RAPGEF5: variants seen among roughly 807,000 people sequenced by gnomAD.
RAPGEF5 encodes the protein Rap guanine nucleotide exchange factor 5, also known as M-Ras-regulated GEF.
A neutral mutation model predicts 125.2 loss-of-function variants in RAPGEF5; 65 were observed. The ratio of observed to expected loss-of-function variants is 0.52; its 90% confidence interval spans 0.43 to 0.64. The LOEUF (loss-of-function observed/expected upper bound fraction) is 0.64. Ranked by LOEUF, RAPGEF5 falls within the 30% of genes least tolerant of loss-of-function variation. The pLI is 0.00. For missense variants in RAPGEF5, 958 were observed against 1,048.1 expected, an observed-to-expected ratio of 0.91 and a Z score of 1.19; for synonymous variants, 391 against 385.9, an observed-to-expected ratio of 1.01 and a Z score of -0.16.
At chr7:22,305,119 C>T (rs1393867820) in intron 5 of RAPGEF5, among the ~76,000 whole-genome samples, 2 of 152,216 alleles carry the variant, frequency 1.3e-5, no homozygotes, top group East Asian at 3.8e-4. Context: ...GATTCAAACA[C>T]TAAAACTCCA....
chr7:22,183,435 G>C (rs1485714895), intron 11 of RAPGEF5, among the ~76,000 whole-genome samples: 1 of 151,924 alleles, frequency 6.6e-6, no homozygotes, highest in East Asian at 1.9e-4. Flanking sequence ...AGTTGTTCTA[G>C]AAAATTAGAA....
At chr7:22,146,528 A>G (rs1008859078) in intron 19 of RAPGEF5, among the ~76,000 whole-genome samples, 1 of 152,252 alleles carries the variant, frequency 6.6e-6, no homozygotes, top group African/African-American at 2.4e-5. Context: ...ATACATAAAT[A>G]TGAATATGAT....
intron 7 of RAPGEF5, among the ~76,000 whole-genome samples, chr7:22,251,297 TACCCTCC>T (rs1786612919): frequency 6.6e-6 from 1 of 152,102 alleles, no homozygotes; most frequent in Non-Finnish European, 1.5e-5. Context: ...ACCACTCACG[TACCCTCC>T]AGTGCAAACC....
intron 6 of RAPGEF5, among the ~76,000 whole-genome samples, chr7:22,276,030 T>C (rs1782546765): frequency 6.6e-6 from 1 of 152,214 alleles, no homozygotes; most frequent in Admixed American, 6.5e-5. Context: ...CTCTGATTGG[T>C]AATTTCTCTG....
chr7:22,304,692 A>G (rs1166221897), intron 5 of RAPGEF5, among the ~76,000 whole-genome samples: 1 of 152,170 alleles, frequency 6.6e-6, no homozygotes, highest in Non-Finnish European at 1.5e-5. Flanking sequence ...CAGGACAGGA[A>G]AGGCTGAAAG....
chr7:22,267,032 GA>G lies in RAPGEF5; in HGVS notation c.748-21del, dbSNP rs200679902. The G allele has an allele frequency of 8.7e-3, 13,854 of 1,592,100 alleles. 92 individuals are homozygous for G. The highest frequency in any genetic ancestry group is 0.031 in the Middle Eastern group (184 of 6,004). On this transcript the variant is annotated intron_variant, in intron 6 of 25. Transcript: ENST00000665637. ...CTGCACCTAATAAAATATTAGGGGG[GA>G]AAATCAAATTAGAAGAAGAAAAATG...
chr7:22,320,482 T>C (rs567318374), intron 1 of RAPGEF5, among the ~76,000 whole-genome samples: 6 of 152,182 alleles, frequency 3.9e-5, no homozygotes, highest in Non-Finnish European at 8.8e-5. Flanking sequence ...AGAAACACCA[T>C]GGGCCATCTT....
At chr7:22,154,650 C>A in intron 16 of RAPGEF5, 46 bp from the exon 17 acceptor site, 1 of 1,597,122 alleles carries the variant, frequency 6.3e-7, no homozygotes, top group East Asian at 2.2e-5. Flanking sequence ...ACAGTGGTCA[C>A]GAGGTATAGA....
At chr7:22,231,957 TGA>T (rs923717946) in intron 7 of RAPGEF5, among the ~76,000 whole-genome samples, 1 of 152,140 alleles carries the variant, frequency 6.6e-6, no homozygotes, top group African/African-American at 2.4e-5. Flanking sequence ...AGAACAGACT[TGA>T]GAGAAACAAG....
At chr7:22,259,213 C>T (rs941882090) in intron 7 of RAPGEF5, among the ~76,000 whole-genome samples, 3 of 152,098 alleles carry the variant, frequency 2.0e-5, no homozygotes, top group Non-Finnish European at 4.4e-5. Context: ...CATACCTCAA[C>T]GAAGAAGACA....
intron 1 of RAPGEF5, among the ~76,000 whole-genome samples, chr7:22,321,454 G>C (rs1050305888): frequency 8.5e-5 from 13 of 152,274 alleles, no homozygotes; most frequent in African/African-American, 2.9e-4. Context: ...GTCCTTAAAA[G>C]AGATAGGCAC....
At chr7:22,136,012 T>C (rs746021333) in intron 23 of RAPGEF5, 26 bp downstream of exon 23, 14 of 1,525,896 alleles carry the variant, frequency 9.2e-6, no homozygotes, top group Non-Finnish European at 1.3e-5. Context: ...TGAAATTACA[T>C]GGCATAAAAG....
intron 1 of RAPGEF5, among the ~76,000 whole-genome samples, chr7:22,332,114 A>C (rs2128157879): frequency 6.6e-6 from 1 of 152,330 alleles, no homozygotes; most frequent in African/African-American, 2.4e-5. Flanking sequence ...TGACAATTAA[A>C]AGCAAAAAAA....
chr7:22,219,741 G>T, intron 9 of RAPGEF5, 125 bp downstream of exon 9: 1 of 1,298,592 alleles, frequency 7.7e-7, no homozygotes, highest in Non-Finnish European at 1.0e-6. Context: ...GGATGCTCTT[G>T]GGGGGAAAAA....
At chr7:22,326,880 C>CA (rs974441291) in intron 1 of RAPGEF5, among the ~76,000 whole-genome samples, 8 of 151,668 alleles carry the variant, frequency 5.3e-5, no homozygotes, top group South Asian at 2.1e-4. Flanking sequence ...GCTCTTACCA[C>CA]AAAAAAAATA....
intron 1 of RAPGEF5, among the ~76,000 whole-genome samples, chr7:22,327,597 G>A (rs1261438452): frequency 6.6e-6 from 1 of 152,220 alleles, no homozygotes; most frequent in Non-Finnish European, 1.5e-5. Context: ...TAAGAGTGGA[G>A]CTCTGGGTTC....
intron 5 of RAPGEF5, among the ~76,000 whole-genome samples, chr7:22,294,111 C>T (rs1782996654): frequency 6.6e-6 from 1 of 150,406 alleles, no homozygotes; most frequent in South Asian, 2.2e-4. Flanking sequence ...CTGTGCTGCT[C>T]GTGAATGAGA....
chr7:22,346,610 A>T (rs1784229624), intron 1 of RAPGEF5, among the ~76,000 whole-genome samples: 1 of 152,120 alleles, frequency 6.6e-6, no homozygotes, highest in South Asian at 2.1e-4. Context: ...TTGCATGTAC[A>T]CCTCATAACA....
In RAPGEF5 at chr7:22,162,381, G is replaced by C. The variant is rs762189915; in HGVS notation, c.1428+16C>G. 1 of 1,550,404 alleles carries C rather than the reference G, an allele frequency of 6.4e-7. No homozygotes were observed. Among genetic ancestry groups the C allele is most frequent in the South Asian group, 1.1e-5 (1 of 87,678 alleles). ...AGTTATTTGGCATCAAAGAATATCT[G>C]GAAATGTTTGATTACCTTTAAAAAC... On this transcript the variant is annotated intron_variant, in intron 13 of 25. Coordinates refer to ENST00000665637, the MANE Select transcript of RAPGEF5 (RefSeq NM_012294.5).
Sources: allele counts gnomAD v4.1 joint callset (sites outside exome capture counted in the v4.1 genomes callset), GRCh38; gene constraint gnomAD v4.1.1; transcripts MANE v1.5; gene names NCBI Gene and HGNC (gene_info 2026-07-23, HGNC 2026-07-21).